SPOCK1: variants seen among roughly 807,000 people sequenced by gnomAD.
The protein encoded by SPOCK1 is testican-1.
SPOCK1 carries 23 observed loss-of-function variants against 55.3 expected under a neutral mutation model. The ratio of observed to expected loss-of-function variants is 0.42; its 90% CI spans 0.30 to 0.59. The LOEUF (loss-of-function observed/expected upper bound fraction) is 0.59, where lower values mean the gene tolerates loss of function less well. Ranked by LOEUF, SPOCK1 falls within the 20% of genes least tolerant of loss-of-function variation. The pLI is 0.22. For missense variants in SPOCK1, 499 were observed against 552.5 expected (o/e 0.90, Z 0.97); for synonymous variants, 226 against 221.0 (o/e 1.02, Z -0.20).
intron 2 of SPOCK1, among the ~76,000 whole-genome samples, chr5:137,287,602 A>C (rs1435027790): frequency 6.6e-6 from 1 of 152,230 alleles, no homozygotes; most frequent in Non-Finnish European, 1.5e-5. Flanking sequence ...TTTAAGGACA[A>C]GATTTTTCTC....
At chr5:137,446,448 A>T (rs1753129543) in intron 2 of SPOCK1, among the ~76,000 whole-genome samples, 1 of 152,186 alleles carries the variant, frequency 6.6e-6, no homozygotes, top group Non-Finnish European at 1.5e-5. Context: ...CCAGAGGCAA[A>T]GGCAGTCTTC....
chr5:137,375,523 G>C (rs925208879), intron 2 of SPOCK1, among the ~76,000 whole-genome samples: 4 of 152,036 alleles, frequency 2.6e-5, no homozygotes, highest in African/African-American at 9.7e-5. Context: ...AGTATTTAGA[G>C]GTAAACATTT....
intron 5 of SPOCK1, among the ~76,000 whole-genome samples, chr5:137,090,994 G>T (rs956843780): frequency 4.6e-5 from 7 of 152,150 alleles, no homozygotes; most frequent in Non-Finnish European, 1.0e-4. Flanking sequence ...AGGAAAAAAA[G>T]GTAGCACAAG....
intron 2 of SPOCK1, among the ~76,000 whole-genome samples, chr5:137,370,471 G>T (rs11740681): frequency 0.13 from 19,397 of 152,212 alleles, 1,551 homozygotes; most frequent in East Asian, 0.27. Flanking sequence ...CTGAAAGGGG[G>T]TCAAAGAGGA....
intron 1 of SPOCK1, among the ~76,000 whole-genome samples, chr5:137,498,898 G>T (rs1299256668): frequency 1.8e-5 from 1 of 55,072 alleles, no homozygotes; most frequent in Non-Finnish European, 3.5e-5. Context: ...TCCGCACGCC[G>T]CACTCCCACA....
At chr5:137,363,199 C>T (rs1750987925) in intron 2 of SPOCK1, among the ~76,000 whole-genome samples, 1 of 152,176 alleles carries the variant, frequency 6.6e-6, no homozygotes, top group Non-Finnish European at 1.5e-5. Flanking sequence ...AAGTACCTAC[C>T]TAGCTCTCCC....
intron 2 of SPOCK1, among the ~76,000 whole-genome samples, chr5:137,432,554 A>G (rs565764372): frequency 2.0e-4 from 30 of 152,284 alleles, no homozygotes; most frequent in Non-Finnish European, 3.7e-4. Context: ...AGGCACCTAG[A>G]GTAGTCAAAC....
chr5:137,489,153 C>G (rs1298103074), intron 2 of SPOCK1, among the ~76,000 whole-genome samples: 1 of 152,122 alleles, frequency 6.6e-6, no homozygotes, highest in African/African-American at 2.4e-5. Flanking sequence ...AGACTCAGAC[C>G]CAAGGGCAAG....
At chr5:137,158,787 G>T (rs950737633) in intron 3 of SPOCK1, among the ~76,000 whole-genome samples, 1 of 152,068 alleles carries the variant, frequency 6.6e-6, no homozygotes, top group African/African-American at 2.4e-5. Context: ...CAGGTTGGGG[G>T]TGTGAGAAGA....
At position 136,985,120 on chromosome 5, in the gene SPOCK1, T is replaced by C; in HGVS notation, c.991+20A>G. ...TGGCTTAATTAGTTGTTTAAATGAG[T>C]GGCAAGAAATTGTACTTACCCAACA... On this transcript the variant is annotated intron_variant, in intron 9 of 10. Transcript: ENST00000394945. 1.2e-6 allele frequency: 2 copies of C among 1,612,482 alleles called. No homozygotes were observed. Among genetic ancestry groups the C allele is most frequent in the Non-Finnish European group, 1.7e-6 (2 of 1,178,468 alleles).
intron 6 of SPOCK1, among the ~76,000 whole-genome samples, chr5:137,022,147 C>G (rs894052680): frequency 6.6e-6 from 1 of 152,004 alleles, no homozygotes; most frequent in East Asian, 1.9e-4. Context: ...GGTGACAGAG[C>G]TTCCCCTCAA....
intron 3 of SPOCK1, among the ~76,000 whole-genome samples, chr5:137,162,470 G>C (rs933034523): frequency 2.0e-5 from 3 of 152,188 alleles, no homozygotes; most frequent in Middle Eastern, 3.4e-3. Flanking sequence ...GACTATGAAA[G>C]AATGTGTGCC....
chr5:137,127,246 C>T (rs1393533895), intron 4 of SPOCK1, among the ~76,000 whole-genome samples: 1 of 152,160 alleles, frequency 6.6e-6, no homozygotes, highest in Non-Finnish European at 1.5e-5. Flanking sequence ...CATCACAGGC[C>T]CAGAGTACAA....
chr5:137,077,463 A>G (rs907153805), intron 5 of SPOCK1, among the ~76,000 whole-genome samples: 10 of 152,204 alleles, frequency 6.6e-5, no homozygotes, highest in Non-Finnish European at 1.3e-4. Flanking sequence ...AGCCAAATAC[A>G]ACCCTTGCTT....
intron 2 of SPOCK1, among the ~76,000 whole-genome samples, chr5:137,328,820 C>T (rs142441322): frequency 3.3e-5 from 5 of 152,272 alleles, no homozygotes; most frequent in African/African-American, 7.2e-5. Flanking sequence ...TACTTCTAAA[C>T]GACATCGTCT....
intron 8 of SPOCK1, among the ~76,000 whole-genome samples, chr5:136,985,778 C>T (rs1750828755): frequency 6.6e-6 from 1 of 152,174 alleles, no homozygotes; most frequent in African/African-American, 2.4e-5. Context: ...TCACCTGTCC[C>T]AGCCTCTGGG....
At chr5:137,137,568 G>A (rs972021075) in intron 4 of SPOCK1, among the ~76,000 whole-genome samples, 1 of 152,192 alleles carries the variant, frequency 6.6e-6, no homozygotes, top group South Asian at 2.1e-4. Context: ...ATAAAGGAGT[G>A]GGCACACCAT....
At chr5:137,184,068 A>T (rs1050148746) in intron 3 of SPOCK1, among the ~76,000 whole-genome samples, 9 of 152,196 alleles carry the variant, frequency 5.9e-5, no homozygotes, top group Non-Finnish European at 8.8e-5. Flanking sequence ...TGGCCTTAGG[A>T]TTTAGTCCAG....
chr5:137,265,105 G>A (rs1292187330), intron 3 of SPOCK1, among the ~76,000 whole-genome samples: 1 of 152,118 alleles, frequency 6.6e-6, no homozygotes, highest in African/African-American at 2.4e-5. Context: ...ATCCTCGTTT[G>A]AACTGTTTAC....
Sources: allele counts gnomAD v4.1 joint callset (sites outside exome capture counted in the v4.1 genomes callset), GRCh38; gene constraint gnomAD v4.1.1; transcripts MANE v1.5; gene names NCBI Gene and HGNC (gene_info 2026-07-23, HGNC 2026-07-21).